NEDD4: variants seen among roughly 807,000 people sequenced by gnomAD.
NEDD4 encodes E3 ubiquitin-protein ligase NEDD4.
A neutral mutation model predicts 144.9 loss-of-function variants in NEDD4; 99 were observed. The observed-to-expected ratio is 0.68, with a 90% CI of 0.58 to 0.81. The LOEUF is 0.81. Ranked by LOEUF, NEDD4 falls within the 30% of genes least tolerant of loss-of-function variation. The pLI is 0.00. For synonymous variants in NEDD4, 318 were observed against 350.6 expected (o/e 0.91, Z 1.04); for missense variants, 985 against 1,065.9 (o/e 0.92, Z 1.06).
At chr15:55,884,447 T>G (rs1323545020) in intron 5 of NEDD4, among the ~76,000 whole-genome samples, 1 of 152,130 alleles carries the variant, frequency 6.6e-6, no homozygotes, top group Non-Finnish European at 1.5e-5. Flanking sequence ...CAGAATGTGC[T>G]AAATAAAGCA....
chr15:55,957,155 G>T (rs2037351352), intron 2 of NEDD4, among the ~76,000 whole-genome samples: 1 of 152,168 alleles, frequency 6.6e-6, no homozygotes, highest in South Asian at 2.1e-4. Flanking sequence ...GCATTTTGTG[G>T]TGGTGTTAAA....
At chr15:55,950,440 G>C (rs978091206) in intron 4 of NEDD4, among the ~76,000 whole-genome samples, 6 of 152,180 alleles carry the variant, frequency 3.9e-5, no homozygotes, top group Non-Finnish European at 7.3e-5. Context: ...ATGAAGTACA[G>C]AAGAACGGCT....
At chr15:55,949,538 C>T (rs1441605859) in intron 4 of NEDD4, among the ~76,000 whole-genome samples, 2 of 152,172 alleles carry the variant, frequency 1.3e-5, no homozygotes, top group Non-Finnish European at 2.9e-5. Flanking sequence ...ATAGCAAAGA[C>T]TTGGAACCAA....
intron 26 of NEDD4, 31 bp from the exon 27 acceptor site, chr15:55,833,135 C>G: frequency 7.1e-7 from 1 of 1,401,196 alleles, no homozygotes; most frequent in Non-Finnish European, 1.0e-6. Context: ...ATTTAGGGAA[C>G]AGCACTGGGA....
In NEDD4 at chr15:55,985,122, T is replaced by C. The variant is rs1427806998; in HGVS notation, c.45+8389A>G. 3.3e-5 allele frequency among the ~76,000 whole-genome samples: 5 copies of C among 152,252 alleles called. No individual in the cohort carries two copies. The East Asian group carries it at 5.8e-4, about 18-fold the overall frequency. ...CAACACAAAAGAATCCCATTTTCTA[T>C]ACCCCTGCTCACCCTAAATGATTTA... On this transcript the variant is annotated intron_variant, in intron 1 of 28. Coordinates refer to ENST00000435532, the MANE Select transcript of NEDD4 (RefSeq NM_006154.4).
rs547722251 is a variant in NEDD4, at chr15:55,933,939, A to T, written c.238-9240T>A. Among the ~76,000 whole-genome samples the T allele has an allele frequency of 8.7e-4, 133 of 152,264 alleles. 3 individuals are homozygous for T. In the South Asian group the frequency reaches 0.027, roughly 31 times the overall value. ...TAGGCCGAGGCAGGCAGGTCACCTG[A>T]GGTCAGGAGTTCGAGACCATTCTGG... On this transcript the variant is annotated intron_variant, in intron 4 of 28. Transcript: ENST00000435532.
At chr15:55,925,192 T>C (rs1415416404) in intron 4 of NEDD4, among the ~76,000 whole-genome samples, 2 of 152,240 alleles carry the variant, frequency 1.3e-5, no homozygotes, top group African/African-American at 2.4e-5. Flanking sequence ...CATTTTCTAG[T>C]AGTTTCACAA....
intron 5 of NEDD4, among the ~76,000 whole-genome samples, chr15:55,911,656 T>C (rs560307478): frequency 6.6e-6 from 1 of 151,914 alleles, no homozygotes; most frequent in South Asian, 2.1e-4. Context: ...CAGCCTCCCG[T>C]GTAGCTGGGA....
intron 4 of NEDD4, 123 bp from the exon 5 acceptor site, chr15:55,924,822 C>CTT: frequency 1.1e-6 from 1 of 886,764 alleles, no homozygotes; most frequent in East Asian, 2.8e-5. Flanking sequence ...AATCCCAGCA[C>CTT]TTTGGGAGGC....
intron 4 of NEDD4, among the ~76,000 whole-genome samples, chr15:55,940,535 TCTCTCTCTCTGC>T (rs1302301068): frequency 6.5e-5 from 9 of 137,466 alleles, no homozygotes; most frequent in Non-Finnish European, 8.4e-5. Flanking sequence ...TCTCTCTCTC[TCTCTCTCTCTGC>T]CTCTCTGCCT....
At chr15:55,992,375 A>G (rs531605014) in intron 1 of NEDD4, among the ~76,000 whole-genome samples, 4 of 152,332 alleles carry the variant, frequency 2.6e-5, no homozygotes, top group South Asian at 4.1e-4. Context: ...CCCACCCTTT[A>G]TAAACAAAGA....
intron 2 of NEDD4, among the ~76,000 whole-genome samples, chr15:55,961,811 C>T (rs1298410658): frequency 2.6e-5 from 4 of 151,982 alleles, no homozygotes; most frequent in African/African-American, 9.7e-5. Flanking sequence ...CTAATACAGC[C>T]CATGTGTGGT....
intron 26 of NEDD4, 73 bp from the exon 27 acceptor site, chr15:55,833,177 C>A: frequency 1.1e-6 from 1 of 941,630 alleles, no homozygotes; most frequent in Non-Finnish European, 1.6e-6. Flanking sequence ...GAAACATAAG[C>A]TATCGGAATT....
chr15:55,871,421 T>G (rs890263979), intron 7 of NEDD4, among the ~76,000 whole-genome samples: 7 of 152,214 alleles, frequency 4.6e-5, no homozygotes, highest in African/African-American at 1.4e-4. Context: ...ACAAATTGTA[T>G]TTTTTAAAGA....
intron 2 of NEDD4, among the ~76,000 whole-genome samples, chr15:55,965,438 G>A (rs938496851): frequency 6.6e-6 from 1 of 151,792 alleles, no homozygotes; most frequent in African/African-American, 2.4e-5. Flanking sequence ...CTGAGCTCAA[G>A]CAACCTGTCT....
chr15:55,972,379 A>G (rs1415733121), intron 1 of NEDD4, among the ~76,000 whole-genome samples: 2 of 152,224 alleles, frequency 1.3e-5, no homozygotes, highest in African/African-American at 4.8e-5. Context: ...TTAAAAAGCA[A>G]GAAGGATAAA....
rs763221753 is a variant in NEDD4 at position 55,860,414 on chromosome 15, G to A, written c.953C>T (p.Ser318Leu). ...FGNSAVSQPA[S>L]SSNHSSRRGS... ...AATCTAAGAGCATCTTACTGAGCTC[G>A]ATGCTGGCTGGCTCACGGCTGAATT... The change falls in exon 11 of 29, where the codon TCG (serine) becomes TTG (leucine). Residue 318 changes from serine (S) to leucine (L), a missense_variant. Physicochemically the swap from Ser to Leu is moderately radical, Grantham distance 145 (BLOSUM62 -2). Coordinates refer to ENST00000435532, the MANE Select transcript of NEDD4 (RefSeq NM_006154.4). 4.3e-6 allele frequency: 7 copies of A among 1,613,922 alleles called. No homozygotes were observed. The highest frequency in any genetic ancestry group is 2.2e-5 in the East Asian group (1 of 44,888).
At chr15:55,856,346 G>A in intron 11 of NEDD4, 150 bp from the exon 12 acceptor site, 1 of 677,288 alleles carries the variant, frequency 1.5e-6, no homozygotes, top group Non-Finnish European at 2.5e-6. Flanking sequence ...GAGTCATGTG[G>A]TCGCTCTCAG....
At chr15:55,970,217 T>C (rs1340331070) in intron 1 of NEDD4, among the ~76,000 whole-genome samples, 3 of 152,072 alleles carry the variant, frequency 2.0e-5, no homozygotes, top group Non-Finnish European at 1.5e-5. Context: ...GGACTTTGTC[T>C]TGTAACCTGG....
Sources: allele counts gnomAD v4.1 joint callset (sites outside exome capture counted in the v4.1 genomes callset), GRCh38; gene constraint gnomAD v4.1.1; transcripts MANE v1.5; gene names NCBI Gene and HGNC (gene_info 2026-07-23, HGNC 2026-07-21).